GLO1: variants seen among roughly 807,000 people sequenced by gnomAD.
The protein encoded by GLO1 is lactoylglutathione lyase.
A neutral mutation model predicts 26.0 loss-of-function variants in GLO1; 28 were observed. The observed-to-expected ratio is 1.08, with a 90% CI of 0.80 to 1.48. GLO1 has a LOEUF of 1.48. GLO1 is among the 40% of genes most tolerant of loss of function. The pLI, the probability that GLO1 is intolerant of heterozygous loss-of-function variation, is 0.00. For synonymous variants in GLO1, 78 were observed against 77.6 expected (o/e 1.00, Z -0.03); for missense variants, 225 against 224.8 (o/e 1.00, Z -0.01).
chr6:38,682,160 T>A, intron 4 of GLO1, 59 bp from the exon 5 acceptor site: 2 of 923,220 alleles, frequency 2.2e-6, no homozygotes, highest in Non-Finnish European at 1.8e-6. Flanking sequence ...TAACAGGGTG[T>A]CCAAGTACCA....
At chr6:38,689,969 C>T (rs1049329795) in intron 1 of GLO1, among the ~76,000 whole-genome samples, 8 of 152,074 alleles carry the variant, frequency 5.3e-5, no homozygotes, top group Admixed American at 2.0e-4. Context: ...GGACTACAGG[C>T]GCCCGCCACC....
At chr6:38,681,175 T>G (rs1421985516) in intron 5 of GLO1, among the ~76,000 whole-genome samples, 4 of 152,100 alleles carry the variant, frequency 2.6e-5, no homozygotes, top group Admixed American at 2.6e-4. Flanking sequence ...GCAATTCTCC[T>G]GCCTCAGCCT....
chr6:38,691,915 T>C (rs1761537436), intron 1 of GLO1, among the ~76,000 whole-genome samples: 1 of 152,292 alleles, frequency 6.6e-6, no homozygotes, highest in African/African-American at 2.4e-5. Context: ...ATTTTGGGGT[T>C]CTCTATTTTG....
At chr6:38,700,026 T>C (rs1297947517) in intron 1 of GLO1, among the ~76,000 whole-genome samples, 2 of 152,174 alleles carry the variant, frequency 1.3e-5, no homozygotes, top group Non-Finnish European at 2.9e-5. Flanking sequence ...CCCTCCCCTT[T>C]TGAAACCCTT....
chr6:38,684,522 GAA>G lies in GLO1; in HGVS notation c.168-10_168-9del. On this transcript the variant is annotated splice_polypyrimidine_tract_variant and intron_variant, in intron 2 of 5. Transcript: ENST00000373365. ...TCACATTTTTGGATTAGCCTGCAAT[GAA>G]AAAACAACAAGCCTGAATCATTAAC... is the stretch of plus-strand genomic sequence containing the variant. 1 of 1,481,378 alleles carries G rather than the reference GAA, an allele frequency of 6.8e-7. No homozygotes were observed. Among genetic ancestry groups the G allele is most frequent in the Non-Finnish European group, 9.0e-7 (1 of 1,113,256 alleles). 91.8% of individuals were successfully genotyped at this position (1,481,378 alleles called of 1,614,324 possible).
intron 5 of GLO1, among the ~76,000 whole-genome samples, chr6:38,679,137 G>A (rs998974266): frequency 2.6e-5 from 4 of 151,858 alleles, no homozygotes; most frequent in Admixed American, 2.6e-4. Flanking sequence ...TTTTTTTCTG[G>A]AGACAGGGTC....
intron 1 of GLO1, among the ~76,000 whole-genome samples, chr6:38,691,444 G>T (rs1230186437): frequency 6.6e-6 from 1 of 152,028 alleles, no homozygotes; most frequent in Non-Finnish European, 1.5e-5. Flanking sequence ...GAGTAGCTGG[G>T]ACTACAGGCA....
intron 1 of GLO1, among the ~76,000 whole-genome samples, chr6:38,687,773 T>C (rs1761477428): frequency 6.6e-6 from 1 of 152,212 alleles, no homozygotes; most frequent in Non-Finnish European, 1.5e-5. Context: ...CCCCATGTTG[T>C]AGATGAGAAG....
At chr6:38,679,125 GT>G (rs777455869) in intron 5 of GLO1, among the ~76,000 whole-genome samples, 1 of 151,634 alleles carries the variant, frequency 6.6e-6, no homozygotes, top group African/African-American at 2.4e-5. Flanking sequence ...AGCTATTTTT[GT>G]TTTTTTTCTG....
At chr6:38,686,844 C>G in intron 2 of GLO1, 48 bp downstream of exon 2, 1 of 1,028,174 alleles carries the variant, frequency 9.7e-7, no homozygotes, top group Non-Finnish European at 1.5e-6. Context: ...TCTAGATTTG[C>G]AAAGCTATAT....
intron 1 of GLO1, among the ~76,000 whole-genome samples, chr6:38,702,739 C>A (rs982130615): frequency 1.3e-5 from 2 of 152,160 alleles, no homozygotes; most frequent in Non-Finnish European, 2.9e-5. Flanking sequence ...CATAAACAAG[C>A]CAATTCAAAA....
Position 38,703,063 on chromosome 6 carries a change from T to A in GLO1, c.-9A>T, listed in dbSNP as rs1199014225. 5 of 1,505,098 alleles carry A rather than the reference T, an allele frequency of 3.3e-6. No individual in the cohort carries two copies. Among genetic ancestry groups the A allele is most frequent in the African/African-American group, 1.4e-5 (1 of 70,988 alleles). 93.2% of individuals were successfully genotyped at this position (1,505,098 alleles called of 1,614,324 possible). A position where few individuals can be genotyped will look rare whatever the true frequency, so the allele number is the denominator to read the frequency against. ...GGCTGCGGTTCTGCCATGGCTGCGCTGCAGTATCACAGACGACGGGACCCA... is the reference window on the plus strand; with the variant it reads ...GGCTGCGGTTCTGCCATGGCTGCGCAGCAGTATCACAGACGACGGGACCCA... On this transcript the variant is annotated 5_prime_UTR_variant, in exon 1 of 6. Transcript: ENST00000373365.
At chr6:38,686,632 T>C (rs1329087429) in intron 2 of GLO1, among the ~76,000 whole-genome samples, 1 of 152,202 alleles carries the variant, frequency 6.6e-6, no homozygotes, top group East Asian at 1.9e-4. Context: ...ACATTAAGGA[T>C]TTAGCTGGGA....
At chr6:38,686,443 T>C (rs963593434) in intron 2 of GLO1, among the ~76,000 whole-genome samples, 2 of 152,166 alleles carry the variant, frequency 1.3e-5, no homozygotes, top group African/African-American at 4.8e-5. Flanking sequence ...TGCTTTAGGA[T>C]TGCAAGATCA....
intron 5 of GLO1, among the ~76,000 whole-genome samples, chr6:38,680,477 T>C (rs535084322): frequency 1.3e-5 from 2 of 152,254 alleles, no homozygotes; most frequent in African/African-American, 4.8e-5. Context: ...GCCAAGACCG[T>C]GCCATTGCAC....
In GLO1 at chr6:38,696,597, A is replaced by G. The variant is rs1285514335; in HGVS notation, c.84+6374T>C. ...TAGGATGCTAATCCTAATCATGAAGACTTTGTCCTCATGACCTACCTAATC... is the reference window on the plus strand; with the variant it reads ...TAGGATGCTAATCCTAATCATGAAGGCTTTGTCCTCATGACCTACCTAATC... On this transcript the variant is annotated intron_variant, in intron 1 of 5. Transcript: ENST00000373365. Among the ~76,000 whole-genome samples the G allele has an allele frequency of 2.0e-5, 3 of 152,066 alleles. No individual in the cohort carries two copies. In the South Asian group the frequency reaches 6.2e-4, roughly 31 times the overall value.
chr6:38,695,151 C>G (rs1185094462), intron 1 of GLO1, among the ~76,000 whole-genome samples: 1 of 151,996 alleles, frequency 6.6e-6, no homozygotes, highest in Non-Finnish European at 1.5e-5. Context: ...GTTTGTTCTT[C>G]CTTTTTTAAT....
chr6:38,685,889 G>A (rs1374934797), intron 2 of GLO1, among the ~76,000 whole-genome samples: 1 of 152,168 alleles, frequency 6.6e-6, no homozygotes, highest in South Asian at 2.1e-4. Context: ...TTCCAGCCCT[G>A]CCATATGCCA....
At chr6:38,695,616 C>A (rs961728860) in intron 1 of GLO1, among the ~76,000 whole-genome samples, 1 of 152,210 alleles carries the variant, frequency 6.6e-6, no homozygotes, top group African/African-American at 2.4e-5. Context: ...CCCTACCCAG[C>A]CTTCCCCCAC....
Sources: allele counts gnomAD v4.1 joint callset (sites outside exome capture counted in the v4.1 genomes callset), GRCh38; gene constraint gnomAD v4.1.1; transcripts MANE v1.5; gene names NCBI Gene and HGNC (gene_info 2026-07-23, HGNC 2026-07-21).